ARF3: variants seen among roughly 807,000 people sequenced by gnomAD.
The protein encoded by ARF3 is ADP-ribosylation factor 3.
A neutral mutation model predicts 19.3 loss-of-function variants in ARF3; 5 were observed. The observed-to-expected ratio is 0.26, with a 90% CI of 0.14 to 0.54. The LOEUF (loss-of-function observed/expected upper bound fraction) is 0.54. Among genes scored for constraint, ARF3 ranks in the 20% least tolerant of loss-of-function variants. ARF3 has a pLI of 0.95. For missense variants in ARF3, 77 were observed against 234.2 expected (o/e 0.33, Z 4.38); for synonymous variants, 71 against 89.2 (o/e 0.80, Z 1.15).
Position 48,939,679 on chromosome 12 carries a change from T to C in ARF3, c.360A>G (p.Val120=), listed in dbSNP as rs764921606. 2 of 1,614,084 alleles carry C rather than the reference T, an allele frequency of 1.2e-6. No individual in the cohort carries two copies. Among genetic ancestry groups the C allele is most frequent in the South Asian group, 1.1e-5 (1 of 91,076 alleles). The change falls in exon 4 of 5, where the codon GTA becomes GTG. Residue 120 remains valine, a synonymous_variant. Transcript: ENST00000256682. The surrounding 1 kb of genome is among the most constrained non-coding windows in gnomAD (Gnocchi z 4.8). ...MLAEDELRDA[V]LLVFANKQDL... ...CCTGTTTGTTTGCAAAGACAAGGAGTACAGCATCCCGGAGCTCGTCCTCCG... is the reference window on the plus strand; with the variant it reads ...CCTGTTTGTTTGCAAAGACAAGGAGCACAGCATCCCGGAGCTCGTCCTCCG...
chr12:48,943,954 A>G (rs1385682105), intron 1 of ARF3, among the ~76,000 whole-genome samples: 2 of 152,034 alleles, frequency 1.3e-5, no homozygotes, highest in Non-Finnish European at 2.9e-5. Context: ...ACTCCTGAGG[A>G]CCCCTGAGCG....
chr12:48,951,213 C>G (rs898206070), intron 1 of ARF3, among the ~76,000 whole-genome samples: 1 of 152,222 alleles, frequency 6.6e-6, no homozygotes, highest in Non-Finnish European at 1.5e-5. Flanking sequence ...ATAGTGTACA[C>G]AGTGGGATAG....
chr12:48,939,635 G>A lies in ARF3; in HGVS notation c.384+20C>T, dbSNP rs200883130. 3.1e-6 allele frequency: 5 copies of A among 1,613,994 alleles called. No homozygotes were observed. The African/African-American group carries it at 5.3e-5, about 17-fold the overall frequency. ...GCCAGTTTGCTGTCTCCCAAATTCA[G>A]GGGTGGGAAGAAGTCTCACCTGTTT... On this transcript the variant is annotated intron_variant, in intron 4 of 4. Coordinates refer to ENST00000256682, the MANE Select transcript of ARF3 (RefSeq NM_001659.3). This position sits in a 1 kb window ranked among gnomAD's most constrained non-coding sequence, Gnocchi z 4.8.
At position 48,936,994 on chromosome 12, in the gene ARF3, C is replaced by T. The variant is rs187995169; in HGVS notation, c.*1953G>A. The T allele has an allele frequency of 6.6e-6, 1 of 152,040 alleles. No individual in the cohort carries two copies. The highest frequency in any genetic ancestry group is 6.6e-5 in the Admixed American group (1 of 15,258). 9.4% of individuals were successfully genotyped at this position (152,040 alleles called of 1,614,324 possible). On this transcript the variant is annotated 3_prime_UTR_variant, in exon 5 of 5. Transcript: ENST00000256682. ...TAAATGAAATAGAACCTCCAACACC[C>T]CCCCCACAACCACCACACACAAACA... is the stretch of plus-strand genomic sequence containing the variant.
At chr12:48,946,526 T>C (rs1282627688) in intron 1 of ARF3, among the ~76,000 whole-genome samples, 1 of 152,252 alleles carries the variant, frequency 6.6e-6, no homozygotes, top group Non-Finnish European at 1.5e-5. Flanking sequence ...CTAACATCTC[T>C]GTTAAAAAGA....
At chr12:48,944,390 C>T (rs1461597757) in intron 1 of ARF3, among the ~76,000 whole-genome samples, 1 of 152,208 alleles carries the variant, frequency 6.6e-6, no homozygotes, top group Non-Finnish European at 1.5e-5. Context: ...CAGTGTTACA[C>T]CTATTATTTC....
intron 2 of ARF3, among the ~76,000 whole-genome samples, chr12:48,940,496 C>A (rs149479670): frequency 1.2e-3 from 185 of 152,314 alleles, no homozygotes; most frequent in Middle Eastern, 3.4e-3. Context: ...GGGAAGTAAG[C>A]TGGCATCCTG....
At chr12:48,949,756 G>T (rs1940429872) in intron 1 of ARF3, among the ~76,000 whole-genome samples, 2 of 150,918 alleles carry the variant, frequency 1.3e-5, no homozygotes, top group Admixed American at 1.3e-4. Flanking sequence ...TGTTACCCAG[G>T]CTGGTCTCGA....
intron 1 of ARF3, among the ~76,000 whole-genome samples, chr12:48,948,038 G>A (rs1256971907): frequency 2.1e-5 from 3 of 141,650 alleles, no homozygotes; most frequent in Admixed American, 7.1e-5. Context: ...AAAGCCCATC[G>A]CTACAAAAAA....
intron 1 of ARF3, among the ~76,000 whole-genome samples, chr12:48,947,643 G>A (rs936176010): frequency 1.3e-5 from 2 of 152,126 alleles, no homozygotes; most frequent in Non-Finnish European, 2.9e-5. Context: ...CTGAACTAGG[G>A]ATACAGAGAG....
Position 48,940,122 on chromosome 12 carries a change from C to A in ARF3, c.149-15G>T, listed in dbSNP as rs1565706760. ...CACATTGAACCCTTTGGAAAAAAAA[C>A]AGGCAATGGCCACTTGGCCTCAAAC... On this transcript the variant is annotated splice_polypyrimidine_tract_variant and intron_variant, in intron 2 of 4. Coordinates refer to ENST00000256682, the MANE Select transcript of ARF3 (RefSeq NM_001659.3). 1 of 1,341,308 alleles carries A rather than the reference C, an allele frequency of 7.5e-7. No homozygotes were observed. 83.1% of individuals were successfully genotyped at this position (1,341,308 alleles called of 1,614,324 possible). A position where few individuals can be genotyped will look rare whatever the true frequency, so the allele number is the denominator to read the frequency against.
chr12:48,939,966 C>T lies in ARF3; in HGVS notation c.259+31G>A. ...AAGACAGCCACACTCTCTGCTCATA[C>T]CCAACCAACCCACGCTAGGCCTGAG... On this transcript the variant is annotated intron_variant, in intron 3 of 4. Coordinates refer to ENST00000256682, the MANE Select transcript of ARF3 (RefSeq NM_001659.3). The surrounding 1 kb of genome is among the most constrained non-coding windows in gnomAD (Gnocchi z 4.8). The T allele has an allele frequency of 8.1e-6, 13 of 1,608,268 alleles. No individual in the cohort carries two copies. The highest frequency in any genetic ancestry group is 1.1e-5 in the Non-Finnish European group (13 of 1,174,690).
intron 1 of ARF3, among the ~76,000 whole-genome samples, chr12:48,947,412 T>A (rs1940378302): frequency 6.6e-6 from 1 of 151,982 alleles, no homozygotes; most frequent in Admixed American, 6.6e-5. Context: ...GTTCAAGCGA[T>A]TCTCCTGCCT....
intron 1 of ARF3, among the ~76,000 whole-genome samples, chr12:48,952,145 C>T (rs949099031): frequency 6.6e-6 from 1 of 152,178 alleles, no homozygotes. Flanking sequence ...ATTGTTATGC[C>T]AGCTTCCCAT....
At chr12:48,943,045 T>C (rs1209204742) in intron 1 of ARF3, among the ~76,000 whole-genome samples, 1 of 152,168 alleles carries the variant, frequency 6.6e-6, no homozygotes, top group Non-Finnish European at 1.5e-5. Flanking sequence ...AGGTGGAGGT[T>C]GCAGTGAGCC....
Position 48,939,512 on chromosome 12 carries a change from A to G in ARF3, c.384+143T>C. On this transcript the variant is annotated intron_variant, in intron 4 of 4. Coordinates refer to ENST00000256682, the MANE Select transcript of ARF3 (RefSeq NM_001659.3). This position sits in a 1 kb window ranked among gnomAD's most constrained non-coding sequence, Gnocchi z 4.8. ...TGGGGTGGGGCACAAGAAGAGGGGC[A>G]TAAAGAAGCCAAGTGCTCAGTTTCC... The G allele has an allele frequency of 8.8e-7, 1 of 1,132,222 alleles. No individual in the cohort carries two copies. Among genetic ancestry groups the G allele is most frequent in the African/African-American group, 1.5e-5 (1 of 64,582 alleles). The allele number at this position is 1,132,222 out of a possible 1,614,324, so 70.1% of individuals were successfully genotyped here. A position where few individuals can be genotyped will look rare whatever the true frequency, so the allele number is the denominator to read the frequency against.
At chr12:48,947,252 T>G (rs1440855175) in intron 1 of ARF3, among the ~76,000 whole-genome samples, 1 of 151,988 alleles carries the variant, frequency 6.6e-6, no homozygotes, top group Non-Finnish European at 1.5e-5. Context: ...GACTTAAAGA[T>G]TTCCCAAAGT....
rs1259330150 is a variant in ARF3 at position 48,938,586 on chromosome 12, G to A, written c.*361C>T. On this transcript the variant is annotated 3_prime_UTR_variant, in exon 5 of 5. Coordinates refer to ENST00000256682, the MANE Select transcript of ARF3 (RefSeq NM_001659.3). ...GGAGTAGAAGGGCTTGTGGGGACAGGGAAAGGACTCAGATGCCAAGAGGAC... is the reference window on the plus strand; with the variant it reads ...GGAGTAGAAGGGCTTGTGGGGACAGAGAAAGGACTCAGATGCCAAGAGGAC... 4 of 457,944 alleles carry A rather than the reference G, an allele frequency of 8.7e-6. No individual in the cohort carries two copies. The highest frequency in any genetic ancestry group is 1.6e-5 in the South Asian group (1 of 64,004). The allele number at this position is 457,944 out of a possible 1,614,324, so 28.4% of individuals were successfully genotyped here.
At chr12:48,952,530 T>C (rs1940488934) in intron 1 of ARF3, among the ~76,000 whole-genome samples, 1 of 152,192 alleles carries the variant, frequency 6.6e-6, no homozygotes, top group Non-Finnish European at 1.5e-5. Flanking sequence ...CTCTACAGTC[T>C]TGGATATCCA....
Sources: allele counts gnomAD v4.1 joint callset (sites outside exome capture counted in the v4.1 genomes callset), GRCh38; gene constraint gnomAD v4.1.1; non-coding constraint Gnocchi (gnomAD v3.1); transcripts MANE v1.5; gene names NCBI Gene and HGNC (gene_info 2026-07-23, HGNC 2026-07-21).